TRIM62: variants seen among roughly 807,000 people sequenced by gnomAD.
TRIM62 encodes the protein E3 ubiquitin-protein ligase TRIM62.
In TRIM62, 39 loss-of-function variants were observed where a neutral mutation model predicts 44.2. The ratio of observed to expected loss-of-function variants is 0.88; its 90% CI spans 0.68 to 1.15. The LOEUF is 1.15. TRIM62 is among the 50% of genes most tolerant of loss of function. The pLI is 0.00. For missense variants in TRIM62, 544 were observed against 665.5 expected (o/e 0.82, Z 2.01); for synonymous variants, 278 against 292.3 (o/e 0.95, Z 0.50).
Position 33,159,228 on chromosome 1 carries a change from A to G in TRIM62, c.761+460T>C, listed in dbSNP as rs1175647103. Among the ~76,000 whole-genome samples the G allele has an allele frequency of 6.6e-6, 1 of 152,136 alleles. No homozygotes were observed. Among genetic ancestry groups the G allele is most frequent in the Non-Finnish European group, 1.5e-5 (1 of 68,026 alleles). On this transcript the variant is annotated intron_variant, in intron 3 of 4. Transcript: ENST00000291416. This position sits in a 1 kb window ranked among gnomAD's most constrained non-coding sequence, Gnocchi z 4.2. ...GACTGAGAGGGTTACAGTAATATAA[A>G]GCCTTTATATAGTAACACGTAATGC...
In TRIM62 at chr1:33,159,212, G is replaced by A. The variant is rs1488392895; in HGVS notation, c.761+476C>T. Reference sequence around the variant, plus strand: ...TAACTACTTTCAAAGGGACTGAGAGGGTTACAGTAATATAAAGCCTTTATA... The same window carrying A: ...TAACTACTTTCAAAGGGACTGAGAGAGTTACAGTAATATAAAGCCTTTATA... On this transcript the variant is annotated intron_variant, in intron 3 of 4. Coordinates refer to ENST00000291416, the MANE Select transcript of TRIM62 (RefSeq NM_018207.3). The surrounding 1 kb of genome is among the most constrained non-coding windows in gnomAD (Gnocchi z 4.2). 1.3e-5 allele frequency among the ~76,000 whole-genome samples: 2 copies of A among 151,736 alleles called. No homozygotes were observed. The highest frequency in any genetic ancestry group is 2.9e-5 in the Non-Finnish European group (2 of 67,964).
chr1:33,164,382 A>G (rs558328596), intron 2 of TRIM62: 1 of 152,426 alleles, frequency 6.6e-6, no homozygotes, highest in South Asian at 2.1e-4. Flanking sequence ...AAATCACCCC[A>G]GGCCTCACGA....
At chr1:33,166,081 T>C (rs1645325182) in intron 1 of TRIM62, 1 of 152,268 alleles carries the variant, frequency 6.6e-6, no homozygotes. Context: ...CTCACAGGAG[T>C]GTGAACTGCA....
At chr1:33,160,537 T>G (rs1237188782) in intron 2 of TRIM62, among the ~76,000 whole-genome samples, 1 of 152,008 alleles carries the variant, frequency 6.6e-6, no homozygotes, top group African/African-American at 2.4e-5. Context: ...CCCTAGTAGC[T>G]GGGATTACAG....
chr1:33,150,728 G>A (rs35187716), intron 4 of TRIM62, among the ~76,000 whole-genome samples: 13 of 152,160 alleles, frequency 8.5e-5, no homozygotes, highest in African/African-American at 3.1e-4. Context: ...CAGTGGGGTC[G>A]GGAGGTGGGA....
rs1375352264 is a variant in TRIM62 at position 33,167,715 on chromosome 1, C to T, written c.409-2149G>A. On this transcript the variant is annotated intron_variant, in intron 1 of 4. Coordinates refer to ENST00000291416, the MANE Select transcript of TRIM62 (RefSeq NM_018207.3). This position sits in a 1 kb window ranked among gnomAD's most constrained non-coding sequence, Gnocchi z 4.2. ...GACTTACCTGTTCACATCCACCTCC[C>T]TCCCACTCATTCAGCTTGTCAGACC... 1.3e-5 allele frequency among the ~76,000 whole-genome samples: 2 copies of T among 152,238 alleles called. No homozygotes were observed.
intron 1 of TRIM62, among the ~76,000 whole-genome samples, chr1:33,172,573 T>C (rs1368619702): frequency 1.3e-5 from 2 of 151,482 alleles, no homozygotes; most frequent in African/African-American, 4.9e-5. Context: ...CAGGATGAGG[T>C]GAGTGGGGAG....
rs373101169 is a variant in TRIM62, at chr1:33,146,985, C to T, written c.*192G>A. The T allele has an allele frequency of 5.1e-5, 32 of 625,208 alleles. 1 individual carries two copies. Among genetic ancestry groups the T allele is most frequent in the East Asian group, 3.3e-4 (12 of 36,244 alleles). 38.7% of individuals were successfully genotyped at this position (625,208 alleles called of 1,614,324 possible). A position where few individuals can be genotyped will look rare whatever the true frequency, so the allele number is the denominator to read the frequency against. On this transcript the variant is annotated 3_prime_UTR_variant, in exon 5 of 5. Coordinates refer to ENST00000291416, the MANE Select transcript of TRIM62 (RefSeq NM_018207.3). ...CCCTATCAAGGTCAGAGCTACAGAA[C>T]ATCGATGCTGGAAGAGAGTTTAGGA...
chr1:33,157,419 T>A (rs1259818529), intron 4 of TRIM62, among the ~76,000 whole-genome samples: 1 of 152,068 alleles, frequency 6.6e-6, no homozygotes, highest in Admixed American at 6.5e-5. Context: ...TAATGCTTCC[T>A]TCTCAGTGCG....
chr1:33,148,363 A>G (rs1183348514), intron 4 of TRIM62, among the ~76,000 whole-genome samples: 3 of 152,190 alleles, frequency 2.0e-5, no homozygotes, highest in Non-Finnish European at 2.9e-5. Context: ...TTTAATATAT[A>G]CTGAATATTT....
chr1:33,149,315 G>C (rs182957713), intron 4 of TRIM62, among the ~76,000 whole-genome samples: 2 of 152,118 alleles, frequency 1.3e-5, no homozygotes, highest in African/African-American at 2.4e-5. Context: ...ACCACGCCTG[G>C]CTAATTTTTT....
intron 1 of TRIM62, 70 bp downstream of exon 1, chr1:33,180,955 A>ACCCCCCCCCCCCCCCCC: frequency 5.2e-6 from 2 of 386,044 alleles, no homozygotes; most frequent in South Asian, 3.6e-5. Flanking sequence ...TCCAGCCCTG[A>ACCCCCCCCCCCCCCCCC]CCCCACCCCC....
Position 33,165,516 on chromosome 1 carries a change from G to A in TRIM62, c.459C>T (p.His153=). Reference sequence around the variant, plus strand: ...GCTTGAGCAGCTGCAGCGCTTCGGTGTGTTCCCGCTCGCTGTCTTGAAGGG... The same window carrying A: ...GCTTGAGCAGCTGCAGCGCTTCGGTATGTTCCCGCTCGCTGTCTTGAAGGG... ...LQALQDSERE[H]TEALQLLKRQ... The change falls in exon 2 of 5, where the codon CAC becomes CAT. Residue 153 remains histidine, a synonymous_variant. Coordinates refer to ENST00000291416, the MANE Select transcript of TRIM62 (RefSeq NM_018207.3). This position sits in a 1 kb window ranked among gnomAD's most constrained non-coding sequence, Gnocchi z 4.0. 1.9e-6 allele frequency: 3 copies of A among 1,610,822 alleles called. No homozygotes were observed. The highest frequency in any genetic ancestry group is 2.7e-5 in the African/African-American group (2 of 74,982).
Position 33,159,791 on chromosome 1 carries a change from G to C in TRIM62, c.658C>G (p.Gln220Glu). 1 of 1,613,884 alleles carries C rather than the reference G, an allele frequency of 6.2e-7. No individual in the cohort carries two copies. Among genetic ancestry groups the C allele is most frequent in the Non-Finnish European group, 8.5e-7 (1 of 1,179,970 alleles). ...DIEQKVQRYSQQLRKVQEGAQ... is the reference protein window; with the variant it reads ...DIEQKVQRYSEQLRKVQEGAQ... ...CCCTCCTGGACCTTGCGCAGCTGCTGGCTGTAGCGCTGGACTTTCTGCTCG... is the reference window on the plus strand; with the variant it reads ...CCCTCCTGGACCTTGCGCAGCTGCTCGCTGTAGCGCTGGACTTTCTGCTCG... The change falls in exon 3 of 5, where the codon CAG becomes GAG. Residue 220 changes from glutamine (Q) to glutamate (E), a missense_variant. By Grantham distance (29) the Gln-to-Glu change is conservative (BLOSUM62 2). Coordinates refer to ENST00000291416, the MANE Select transcript of TRIM62 (RefSeq NM_018207.3). The surrounding 1 kb of genome is among the most constrained non-coding windows in gnomAD (Gnocchi z 4.2).
chr1:33,159,985 G>C lies in TRIM62; in HGVS notation c.505-41C>G. ...GTCAGGGGTTATGGCTGGGGGAGCA[G>C]ATGGGGTGATCTCTGGGTGAGAGGA... On this transcript the variant is annotated intron_variant, in intron 2 of 4. Transcript: ENST00000291416. This position sits in a 1 kb window ranked among gnomAD's most constrained non-coding sequence, Gnocchi z 4.2. The C allele has an allele frequency of 6.3e-7, 1 of 1,584,344 alleles. No homozygotes were observed. Among genetic ancestry groups the C allele is most frequent in the Non-Finnish European group, 8.6e-7 (1 of 1,167,512 alleles).
intron 2 of TRIM62, chr1:33,164,395 C>G (rs182780180): frequency 6.6e-6 from 1 of 152,448 alleles, no homozygotes; most frequent in African/African-American, 2.4e-5. Context: ...CCTCACGACA[C>G]AGAGTCACTC....
rs1645016610 is a variant in TRIM62, at chr1:33,145,896, A to C, written c.*1281T>G. 2.1e-6 allele frequency: 1 copy of C among 471,032 alleles called. No individual in the cohort carries two copies. Among genetic ancestry groups the C allele is most frequent in the Non-Finnish European group, 4.4e-6 (1 of 227,056 alleles). 29.2% of individuals were successfully genotyped at this position (471,032 alleles called of 1,614,324 possible). A position where few individuals can be genotyped will look rare whatever the true frequency, so the allele number is the denominator to read the frequency against. ...CATTTCCCAGACTCCCTTGCAGCCAAGGTTCTGGATCTGACTTAAGTTCCC... is the reference window on the plus strand; with the variant it reads ...CATTTCCCAGACTCCCTTGCAGCCACGGTTCTGGATCTGACTTAAGTTCCC... On this transcript the variant is annotated 3_prime_UTR_variant, in exon 5 of 5. Coordinates refer to ENST00000291416, the MANE Select transcript of TRIM62 (RefSeq NM_018207.3).
intron 1 of TRIM62, chr1:33,176,434 C>CTG (rs1156593133): frequency 1.4e-6 from 1 of 698,134 alleles, no homozygotes; most frequent in African/African-American, 1.7e-5. Context: ...GGCTGATCCA[C>CTG]TGCTGTCTTC....
rs1395221752 is a variant in TRIM62 at position 33,176,432 on chromosome 1, C to T, written c.408+4593G>A. 4.3e-6 allele frequency: 3 copies of T among 698,410 alleles called. No individual in the cohort carries two copies. In the South Asian group the frequency reaches 4.5e-5, roughly 10 times the overall value. 43.3% of individuals were successfully genotyped at this position (698,410 alleles called of 1,614,324 possible). A position where few individuals can be genotyped will look rare whatever the true frequency, so the allele number is the denominator to read the frequency against. The stretch of plus-strand genomic sequence containing the variant: ...CCAGGGCTTGCGTCCAAGGCTGATC[C>T]ACTGCTGTCTTCTCTGGCATGAAGG... On this transcript the variant is annotated intron_variant, in intron 1 of 4. Transcript: ENST00000291416.
Sources: allele counts gnomAD v4.1 joint callset (sites outside exome capture counted in the v4.1 genomes callset), GRCh38; gene constraint gnomAD v4.1.1; non-coding constraint Gnocchi (gnomAD v3.1); transcripts MANE v1.5; gene names NCBI Gene and HGNC (gene_info 2026-07-23, HGNC 2026-07-21).